The following IL36B variants were observed in gnomAD, a reference collection of about 807,000 sequenced individuals.
The protein encoded by IL36B is interleukin 36 beta.
A neutral mutation model predicts 19.3 loss-of-function variants in IL36B; 23 were observed. The ratio of observed to expected loss-of-function variants is 1.19; its 90% CI spans 0.86 to 1.69. The LOEUF (loss-of-function observed/expected upper bound fraction) is 1.69. IL36B is among the 40% of genes most tolerant of loss of function. The pLI is 0.00. For missense variants in IL36B, 217 were observed against 200.5 expected (o/e 1.08, Z -0.50); for synonymous variants, 59 against 59.7 (o/e 0.99, Z 0.05).
intron 1 of IL36B, among the ~76,000 whole-genome samples, chr2:113,032,066 G>T (rs1685085821): frequency 6.6e-6 from 1 of 151,828 alleles, no homozygotes; most frequent in Non-Finnish European, 1.5e-5. Flanking sequence ...ATCACCACGG[G>T]CACCTTCTAG....
chr2:113,045,760 A>G (rs1282747867), intron 1 of IL36B, among the ~76,000 whole-genome samples: 1 of 152,210 alleles, frequency 6.6e-6, no homozygotes, highest in Non-Finnish European at 1.5e-5. Context: ...CATGTAGTGT[A>G]TATTTCATTC....
At chr2:113,052,767 G>A (rs1347819513) in intron 1 of IL36B, 50 bp downstream of exon 1, 2 of 152,242 alleles carry the variant, frequency 1.3e-5, no homozygotes, top group Non-Finnish European at 2.9e-5. Context: ...TTAGATTTAA[G>A]TCAATGTAAA....
In IL36B at chr2:113,028,626, G is replaced by A. The variant is rs188863143; in HGVS notation, c.261+313C>T. On this transcript the variant is annotated intron_variant, in intron 4 of 5. Coordinates refer to ENST00000259213, the MANE Select transcript of IL36B (RefSeq NM_014438.5). Reference sequence around the variant, plus strand: ...ACCTTTGGTGTAGTGAGAGCATCCCGTTGTCTTAGAGGATTTCCAGAATGC... The same window carrying A: ...ACCTTTGGTGTAGTGAGAGCATCCCATTGTCTTAGAGGATTTCCAGAATGC... Among the ~76,000 whole-genome samples, 10 of 152,300 alleles carry A rather than the reference G, an allele frequency of 6.6e-5. No individual in the cohort carries two copies. The East Asian group carries it at 1.9e-3, about 29-fold the overall frequency.
At chr2:113,044,258 ATATGTGTGTGTGTG>A (rs1160688305) in intron 1 of IL36B, among the ~76,000 whole-genome samples, 13 of 131,410 alleles carry the variant, frequency 9.9e-5, no homozygotes, top group African/African-American at 2.9e-4. Context: ...ATCTATATCT[ATATGTGTGTGTGTG>A]TGTGTGTGTG....
intron 3 of IL36B, 88 bp downstream of exon 3, chr2:113,030,960 C>T: frequency 1.0e-6 from 1 of 962,950 alleles, no homozygotes; most frequent in Admixed American, 1.8e-5. Flanking sequence ...TGGGTGAGGT[C>T]CAGGGCCAGG....
At chr2:113,031,477 T>C (rs937445613) in intron 2 of IL36B, among the ~76,000 whole-genome samples, 1 of 152,216 alleles carries the variant, frequency 6.6e-6, no homozygotes, top group Non-Finnish European at 1.5e-5. Context: ...TATGTTGTTT[T>C]TTAAAATCCT....
At chr2:113,027,568 A>G (rs1684987060) in intron 4 of IL36B, 2 of 1,105,928 alleles carry the variant, frequency 1.8e-6, no homozygotes, top group East Asian at 6.2e-5. Context: ...TCTCTACATC[A>G]TGGGTTGGCA....
At chr2:113,042,024 T>A (rs1685266740) in intron 1 of IL36B, among the ~76,000 whole-genome samples, 1 of 152,218 alleles carries the variant, frequency 6.6e-6, no homozygotes, top group Non-Finnish European at 1.5e-5. Flanking sequence ...GGACATCTGA[T>A]ATGGAACATC....
intron 1 of IL36B, among the ~76,000 whole-genome samples, chr2:113,050,536 G>A (rs538403704): frequency 1.3e-5 from 2 of 152,092 alleles, no homozygotes; most frequent in African/African-American, 4.8e-5. Flanking sequence ...GGTGGTGATG[G>A]TTGCCCAACA....
At chr2:113,037,661 A>G (rs1347906021) in intron 1 of IL36B, among the ~76,000 whole-genome samples, 1 of 152,252 alleles carries the variant, frequency 6.6e-6, no homozygotes, top group African/African-American at 2.4e-5. Flanking sequence ...AAAAAAAAAA[A>G]AAATCCAAAT....
At chr2:113,027,598 G>A (rs1431442358) in intron 4 of IL36B, 3 of 1,182,280 alleles carry the variant, frequency 2.5e-6, no homozygotes, top group African/African-American at 3.1e-5. Context: ...GGAATGGAAG[G>A]TTGCATGAAG....
chr2:113,029,060 G>T lies in IL36B; in HGVS notation c.140C>A (p.Ala47Asp), dbSNP rs141108409. Reference sequence around the variant, plus strand: ...GTCACTGAATTCTGTGTCTCTACAGGCTATTAAATGAAGAGTGACTGGAAA... The same window carrying T: ...GTCACTGAATTCTGTGTCTCTACAGTCTATTAAATGAAGAGTGACTGGAAA... The change falls in exon 4 of 6, where the codon GCC becomes GAC. Residue 47 changes from alanine to aspartate, a missense_variant. Coordinates refer to ENST00000259213, the MANE Select transcript of IL36B (RefSeq NM_014438.5). The T allele has an allele frequency of 4.1e-5, 66 of 1,612,582 alleles. No individual in the cohort carries two copies. Among genetic ancestry groups the T allele is most frequent in the Non-Finnish European group, 5.4e-5 (64 of 1,179,468 alleles).
At chr2:113,027,197 C>T (rs1400106286) in intron 4 of IL36B, among the ~76,000 whole-genome samples, 1 of 152,136 alleles carries the variant, frequency 6.6e-6, no homozygotes, top group Non-Finnish European at 1.5e-5. Context: ...TCCTCATTAT[C>T]TTCACATTGA....
chr2:113,037,649 C>CAA (rs558737151), intron 1 of IL36B, among the ~76,000 whole-genome samples: 1,806 of 135,948 alleles, frequency 0.013, 47 homozygotes, highest in African/African-American at 0.045. Flanking sequence ...AACTCTATCT[C>CAA]AAAAAAAAAA....
intron 5 of IL36B, among the ~76,000 whole-genome samples, chr2:113,024,009 A>T (rs566730956): frequency 1.8e-4 from 28 of 152,290 alleles, no homozygotes; most frequent in Non-Finnish European, 3.5e-4. Flanking sequence ...AGGGAAGGAC[A>T]GGGCAGATAT....
At chr2:113,051,689 C>T (rs11887249) in intron 1 of IL36B, among the ~76,000 whole-genome samples, 13,952 of 152,222 alleles carry the variant, frequency 0.092, 777 homozygotes, top group African/African-American at 0.14. Context: ...TACCCTTCCC[C>T]TCTGATGTGG....
At chr2:113,037,437 G>T (rs1423194429) in intron 1 of IL36B, among the ~76,000 whole-genome samples, 1 of 152,160 alleles carries the variant, frequency 6.6e-6, no homozygotes, top group Non-Finnish European at 1.5e-5. Context: ...ATCACCTGAG[G>T]TTGGGAGTTT....
chr2:113,037,017 G>A (rs962324006), intron 1 of IL36B, among the ~76,000 whole-genome samples: 1 of 152,254 alleles, frequency 6.6e-6, no homozygotes, highest in Non-Finnish European at 1.5e-5. Context: ...TCGAAACTAT[G>A]GAGTTGAGGG....
At chr2:113,036,440 C>A (rs555651702) in intron 1 of IL36B, among the ~76,000 whole-genome samples, 1 of 151,398 alleles carries the variant, frequency 6.6e-6, no homozygotes, top group Non-Finnish European at 1.5e-5. Context: ...TTCAGACACA[C>A]CCCATGGCAT....
Sources: allele counts gnomAD v4.1 joint callset (sites outside exome capture counted in the v4.1 genomes callset), GRCh38; gene constraint gnomAD v4.1.1; transcripts MANE v1.5; gene names NCBI Gene and HGNC (gene_info 2026-07-23, HGNC 2026-07-21).